The following B3GALT1 variants were observed in gnomAD, a reference collection of about 807,000 sequenced individuals.
B3GALT1 encodes beta-1,3-galactosyltransferase 1, also known as UDP-Gal:betaGlcNAc beta 1,3-galactosyltransferase, polypeptide 1.
B3GALT1 carries 10 observed loss-of-function variants against 23.2 expected under a neutral mutation model. That is an observed-to-expected ratio of 0.43 (90% CI 0.27 to 0.73). The LOEUF (loss-of-function observed/expected upper bound fraction) is 0.73, where lower values mean the gene tolerates loss of function less well. Ranked by LOEUF, B3GALT1 falls within the 30% of genes least tolerant of loss-of-function variation. The pLI, the probability that B3GALT1 is intolerant of heterozygous loss-of-function variation, is 0.21. For synonymous variants in B3GALT1, 156 were observed against 141.5 expected, an observed-to-expected ratio of 1.10 and a Z score of -0.73; for missense variants, 299 against 405.4, an observed-to-expected ratio of 0.74 and a Z score of 2.25.
chr2:167,655,813 T>A (rs1222144138), intron 3 of B3GALT1, among the ~76,000 whole-genome samples: 1 of 152,182 alleles, frequency 6.6e-6, no homozygotes, highest in Non-Finnish European at 1.5e-5. Flanking sequence ...GTCTAGTACT[T>A]GTAGAAATTG....
intron 1 of B3GALT1, among the ~76,000 whole-genome samples, chr2:167,368,072 A>G (rs988393852): frequency 6.6e-6 from 1 of 152,204 alleles, no homozygotes; most frequent in Non-Finnish European, 1.5e-5. Flanking sequence ...CCAAATAGCT[A>G]TGAGGGACAT....
chr2:167,416,024 T>TCTCG (rs1559089901), intron 1 of B3GALT1, among the ~76,000 whole-genome samples: 2 of 152,162 alleles, frequency 1.3e-5, no homozygotes, highest in Admixed American at 1.3e-4. Flanking sequence ...TTTGGAAAAC[T>TCTCG]CTCGGCCTGG....
chr2:167,650,202 T>C (rs1685836595), intron 3 of B3GALT1, among the ~76,000 whole-genome samples: 1 of 150,668 alleles, frequency 6.6e-6, no homozygotes, highest in African/African-American at 2.4e-5. Flanking sequence ...ATTCTACTAA[T>C]GTGATATATT....
chr2:167,774,520 CAG>C (rs1325349028), intron 3 of B3GALT1, among the ~76,000 whole-genome samples: 4 of 99,346 alleles, frequency 4.0e-5, no homozygotes, highest in African/African-American at 1.1e-4. Flanking sequence ...TTTTTGGAGA[CAG>C]AGTCTTGCTC....
intron 1 of B3GALT1, among the ~76,000 whole-genome samples, chr2:167,336,596 C>T (rs1226010718): frequency 1.3e-5 from 2 of 152,102 alleles, no homozygotes; most frequent in Non-Finnish European, 2.9e-5. Context: ...AGTTAGGTGT[C>T]TTCATTTCCT....
intron 2 of B3GALT1, among the ~76,000 whole-genome samples, chr2:167,579,220 C>T (rs1303909134): frequency 6.6e-6 from 1 of 151,966 alleles, no homozygotes; most frequent in Non-Finnish European, 1.5e-5. Context: ...AACCTTATGA[C>T]CCCAATCTTG....
chr2:167,804,872 T>A, intron 3 of B3GALT1, among the ~76,000 whole-genome samples: 1 of 152,216 alleles, frequency 6.6e-6, no homozygotes, highest in Non-Finnish European at 1.5e-5. Context: ...AAACGGTATT[T>A]CTAGTTCAAG....
chr2:167,767,348 T>C (rs146440708), intron 3 of B3GALT1, among the ~76,000 whole-genome samples: 142 of 152,330 alleles, frequency 9.3e-4, no homozygotes, highest in African/African-American at 3.2e-3. Flanking sequence ...TGCTCATTTC[T>C]TTGCGGCATT....
chr2:167,401,331 T>C (rs1698185718), intron 1 of B3GALT1, among the ~76,000 whole-genome samples: 1 of 152,120 alleles, frequency 6.6e-6, no homozygotes, highest in Admixed American at 6.6e-5. Context: ...AGAATGATAG[T>C]CTTGGATTCT....
intron 3 of B3GALT1, among the ~76,000 whole-genome samples, chr2:167,798,850 T>A (rs1688586888): frequency 1.3e-5 from 2 of 152,194 alleles, no homozygotes; most frequent in Non-Finnish European, 2.9e-5. Context: ...ACCTTAAATA[T>A]GCCATCGTTA....
At chr2:167,312,976 A>G (rs1371071408) in intron 1 of B3GALT1, among the ~76,000 whole-genome samples, 1 of 152,146 alleles carries the variant, frequency 6.6e-6, no homozygotes, top group Non-Finnish European at 1.5e-5. Flanking sequence ...AAAACATACC[A>G]TTACATTACG....
At chr2:167,731,927 T>C (rs1300971127) in intron 3 of B3GALT1, among the ~76,000 whole-genome samples, 1 of 152,210 alleles carries the variant, frequency 6.6e-6, no homozygotes, top group Non-Finnish European at 1.5e-5. Context: ...CCTCAACCCT[T>C]AGAACTTATT....
intron 4 of B3GALT1, among the ~76,000 whole-genome samples, chr2:167,847,573 G>A (rs1689788500): frequency 6.6e-6 from 1 of 152,072 alleles, no homozygotes; most frequent in Admixed American, 6.6e-5. Flanking sequence ...AAAGCCTCTG[G>A]AATACAGCAA....
chr2:167,449,009 A>G (rs998004118), intron 1 of B3GALT1, among the ~76,000 whole-genome samples: 4 of 152,084 alleles, frequency 2.6e-5, no homozygotes, highest in African/African-American at 4.8e-5. Context: ...GGCTTATGGT[A>G]TAGTTTAAAG....
At chr2:167,670,667 A>G (rs1686308733) in intron 3 of B3GALT1, among the ~76,000 whole-genome samples, 1 of 152,222 alleles carries the variant, frequency 6.6e-6, no homozygotes, top group Non-Finnish European at 1.5e-5. Context: ...AATAGGGAAA[A>G]CAGTATACAA....
intron 3 of B3GALT1, among the ~76,000 whole-genome samples, chr2:167,745,942 T>C (rs183601345): frequency 8.5e-5 from 13 of 152,328 alleles, no homozygotes; most frequent in Non-Finnish European, 7.4e-5. Context: ...CTCATATTAT[T>C]CTTCATATCT....
At chr2:167,446,985 T>G (rs1699007568) in intron 1 of B3GALT1, among the ~76,000 whole-genome samples, 2 of 152,166 alleles carry the variant, frequency 1.3e-5, no homozygotes, top group South Asian at 4.1e-4. Context: ...CTCCCCATCT[T>G]TGTGGTTTTA....
At chr2:167,461,210 A>G (rs1699254469) in intron 1 of B3GALT1, among the ~76,000 whole-genome samples, 1 of 152,214 alleles carries the variant, frequency 6.6e-6, no homozygotes, top group African/African-American at 2.4e-5. Flanking sequence ...CCATGTACCA[A>G]TTGCTTCAAG....
rs761917521 is a variant in B3GALT1, at chr2:167,869,552, G to A, written c.513G>A (p.Lys171=). The change falls in exon 5 of 5, where the codon AAG becomes AAA. Residue 171 remains lysine, a synonymous_variant. Transcript: ENST00000392690. The surrounding 1 kb of genome is among the most constrained non-coding windows in gnomAD (Gnocchi z 6.4). ...TGGCCACTTTTTGTTCAAAAGCCAAGTATGTCATGAAAACAGACAGCGACA... is the reference window on the plus strand; with the variant it reads ...TGGCCACTTTTTGTTCAAAAGCCAAATATGTCATGAAAACAGACAGCGACA... ...RWVATFCSKA[K]YVMKTDSDIF... is the part of the protein sequence containing the mutation. 2 of 1,613,946 alleles carry A rather than the reference G, an allele frequency of 1.2e-6. No individual in the cohort carries two copies. The highest frequency in any genetic ancestry group is 1.7e-6 in the Non-Finnish European group (2 of 1,180,018).
Sources: gnomAD v4.1 joint callset for allele counts (sites outside exome capture counted in the v4.1 genomes callset) on GRCh38, gnomAD v4.1.1 for gene constraint, Gnocchi (gnomAD v3.1) non-coding constraint, MANE v1.5 for transcripts, NCBI Gene and HGNC (gene_info 2026-07-23, HGNC 2026-07-21) for gene names.